Variants in SVIL observed in about 807,000 individuals in gnomAD.
SVIL encodes the protein supervillin, also known as archvillin.
Under a neutral mutation model 240.4 loss-of-function variants are expected in SVIL, and 101 were observed. The observed-to-expected ratio is 0.42, with a 90% confidence interval of 0.36 to 0.50. SVIL has a LOEUF of 0.50. Among genes scored for constraint, SVIL ranks in the 20% least tolerant of loss-of-function variants. The probability of loss-of-function intolerance (pLI) is 0.01; values close to 1 mark genes in which losing one functional copy is unlikely to be tolerated. For synonymous variants in SVIL, 999 were observed against 1,100.0 expected (o/e 0.91, Z 1.82); for missense variants, 2,512 against 2,818.7 (o/e 0.89, Z 2.46).
chr10:29,682,721 ATGCT>A (rs1960760892), intron 2 of SVIL, among the ~76,000 whole-genome samples: 1 of 152,224 alleles, frequency 6.6e-6, no homozygotes, highest in African/African-American at 2.4e-5. Context: ...CAATTCAGAT[ATGCT>A]TTTCTAGGTT....
At chr10:29,687,130 T>C (rs1961125250) in intron 1 of SVIL, among the ~76,000 whole-genome samples, 1 of 152,166 alleles carries the variant, frequency 6.6e-6, no homozygotes, top group Admixed American at 6.5e-5. Flanking sequence ...TGCCCTCCCA[T>C]AAACAAGGAC....
At chr10:29,547,880 T>C (rs535431903) in intron 6 of SVIL, among the ~76,000 whole-genome samples, 81 of 152,310 alleles carry the variant, frequency 5.3e-4, no homozygotes, top group African/African-American at 1.7e-3. Context: ...TTGGAGTCTG[T>C]TAGGTTCTTC....
chr10:29,687,651 T>C (rs1270009089), intron 1 of SVIL, among the ~76,000 whole-genome samples: 1 of 152,210 alleles, frequency 6.6e-6, no homozygotes, highest in Non-Finnish European at 1.5e-5. Context: ...CCAGCCTGGG[T>C]GACAGAGTTG....
intron 17 of SVIL, among the ~76,000 whole-genome samples, chr10:29,500,179 T>G (rs1948764941): frequency 6.6e-6 from 1 of 152,000 alleles, no homozygotes; most frequent in Non-Finnish European, 1.5e-5. Flanking sequence ...CTCATGCCAC[T>G]GAGTGATGTG....
Position 29,707,709 on chromosome 10 carries a change from TGTG to T in SVIL, c.-399-21061_-399-21059del, listed in dbSNP as rs751607664. Among the ~76,000 whole-genome samples, 127 of 152,294 alleles carry T rather than the reference TGTG, an allele frequency of 8.3e-4. 2 individuals carry two copies. In the Middle Eastern group the frequency reaches 0.02, roughly 24 times the overall value. On this transcript the variant is annotated intron_variant, in intron 1 of 35. Coordinates refer to the SVIL transcript ENST00000375400. ...ATGGATTATAATCAGTTTAAAATAA[TGTG>T]GTATGTTTACAAATAATAATAGCTG...
chr10:29,466,181 A>C (rs950325979), intron 33 of SVIL, among the ~76,000 whole-genome samples: 8 of 151,952 alleles, frequency 5.3e-5, no homozygotes, highest in Admixed American at 1.3e-4. Flanking sequence ...GCATATCTAT[A>C]CACAGATATA....
In SVIL at chr10:29,557,152, G is replaced by A. The variant is rs184640593; in HGVS notation, c.-50-2044C>T. On this transcript the variant is annotated intron_variant, in intron 3 of 37. Coordinates refer to ENST00000355867, the MANE Select transcript of SVIL (RefSeq NM_021738.3). The stretch of plus-strand genomic sequence containing the variant: ...ATTCTGTCACCCAGGCTGGAGTGTA[G>A]AGGCACGATCTCGACTCACTGCAGC... Among the ~76,000 whole-genome samples, 18 of 151,492 alleles carry A rather than the reference G, an allele frequency of 1.2e-4. 1 individual carries two copies. The East Asian group carries it at 3.5e-3, about 30-fold the overall frequency.
intron 6 of SVIL, among the ~76,000 whole-genome samples, chr10:29,544,358 C>G (rs1268552557): frequency 6.6e-6 from 1 of 152,058 alleles, no homozygotes; most frequent in Non-Finnish European, 1.5e-5. Flanking sequence ...GACACAGGCT[C>G]AAGGAAAAAT....
intron 29 of SVIL, among the ~76,000 whole-genome samples, chr10:29,479,154 T>TGGTGACTG (rs1946550193): frequency 6.6e-6 from 1 of 152,082 alleles, no homozygotes; most frequent in African/African-American, 2.4e-5. Context: ...CTCCAAGGTC[T>TGGTGACTG]GGTGACTGGG....
At chr10:29,535,688 C>T (rs1338632478) in intron 7 of SVIL, among the ~76,000 whole-genome samples, 1 of 152,114 alleles carries the variant, frequency 6.6e-6, no homozygotes, top group African/African-American at 2.4e-5. Context: ...CTCACTACTG[C>T]CCCTCACTGG....
chr10:29,693,093 T>C (rs1288177063), intron 1 of SVIL, among the ~76,000 whole-genome samples: 1 of 152,038 alleles, frequency 6.6e-6, no homozygotes, highest in Non-Finnish European at 1.5e-5. Context: ...ACTCCGAGTG[T>C]TTTCCATATG....
chr10:29,509,894 G>T (rs1949703485), intron 17 of SVIL, among the ~76,000 whole-genome samples: 1 of 152,142 alleles, frequency 6.6e-6, no homozygotes. Flanking sequence ...TCTATTCACA[G>T]GCCCAAAATT....
chr10:29,471,111 C>T (rs146837135), intron 31 of SVIL, 27 bp downstream of exon 31: 133 of 1,593,362 alleles, frequency 8.3e-5, no homozygotes, highest in African/African-American at 8.2e-4. Flanking sequence ...AAGGCAAAGT[C>T]GAATTCCAGC....
chr10:29,686,653 T>A lies in SVIL; in HGVS notation c.-399-2A>T, dbSNP rs1379623634. The A allele has an allele frequency of 6.6e-6, 1 of 152,156 alleles. No homozygotes were observed. Among genetic ancestry groups the A allele is most frequent in the Non-Finnish European group, 1.5e-5 (1 of 68,038 alleles). 9.4% of individuals were successfully genotyped at this position (152,156 alleles called of 1,614,324 possible). Reference sequence around the variant, plus strand: ...ACCAATCTCCAATGTAGCCAGAATCTGGGGGAGAAAAGTTTTAAAAAAATC... The same window carrying A: ...ACCAATCTCCAATGTAGCCAGAATCAGGGGGAGAAAAGTTTTAAAAAAATC... On this transcript the variant is annotated splice_acceptor_variant, in intron 1 of 35. Coordinates refer to the SVIL transcript ENST00000375400. LOFTEE classifies it low-confidence loss of function (5UTR_SPLICE).
At chr10:29,575,891 G>T (rs541069067) in intron 1 of SVIL, among the ~76,000 whole-genome samples, 23 of 152,124 alleles carry the variant, frequency 1.5e-4, no homozygotes, top group African/African-American at 5.3e-4. Flanking sequence ...TTTGCTCAAT[G>T]CATTATAGTC....
chr10:29,735,386 T>A lies in SVIL; in HGVS notation c.-400+365A>T, dbSNP rs1253041062. Among the ~76,000 whole-genome samples the A allele has an allele frequency of 6.6e-6, 1 of 151,870 alleles. No individual in the cohort carries two copies. The highest frequency in any genetic ancestry group is 1.5e-5 in the Non-Finnish European group (1 of 67,900). ...CCGCCTCCCCGCCATGCTCTCAGCG[T>A]AACGGGCAGCCGCGCTAACTTCCCG... On this transcript the variant is annotated intron_variant, in intron 1 of 35. Transcript: ENST00000375400. This position sits in a 1 kb window ranked among gnomAD's most constrained non-coding sequence, Gnocchi z 4.1.
chr10:29,584,897 T>G (rs1238426154), intron 1 of SVIL, among the ~76,000 whole-genome samples: 2 of 151,996 alleles, frequency 1.3e-5, no homozygotes, highest in African/African-American at 4.8e-5. Context: ...CTTCAGGTGG[T>G]GAGAAAATAC....
At chr10:29,627,829 T>A (rs1957932778) in intron 1 of SVIL, among the ~76,000 whole-genome samples, 1 of 152,210 alleles carries the variant, frequency 6.6e-6, no homozygotes, top group Admixed American at 6.5e-5. Context: ...CACAGAATTT[T>A]AAAATATTCA....
chr10:29,722,687 G>T (rs1589579910), intron 1 of SVIL, among the ~76,000 whole-genome samples: 1 of 152,108 alleles, frequency 6.6e-6, no homozygotes, highest in African/African-American at 2.4e-5. Context: ...GCAGATGCTT[G>T]AATTCTAGCC....
Sources: allele counts gnomAD v4.1 joint callset (sites outside exome capture counted in the v4.1 genomes callset), GRCh38; gene constraint gnomAD v4.1.1; non-coding constraint Gnocchi (gnomAD v3.1); transcripts MANE v1.5; gene names NCBI Gene and HGNC (gene_info 2026-07-23, HGNC 2026-07-21).